CIP2A: variants seen among roughly 807,000 people sequenced by gnomAD.
The protein encoded by CIP2A is cellular inhibitor of PP2A.
Under a neutral mutation model 110.9 loss-of-function variants are expected in CIP2A, and 103 were observed. That is an observed-to-expected ratio of 0.93 (90% CI 0.79 to 1.09). The LOEUF (loss-of-function observed/expected upper bound fraction) is 1.09. CIP2A is among the 50% of genes least tolerant of loss of function. The pLI, the probability that CIP2A is intolerant of heterozygous loss-of-function variation, is 0.00. For synonymous variants in CIP2A, 381 were observed against 361.6 expected (o/e 1.05, Z -0.61); for missense variants, 1,088 against 1,038.4 (o/e 1.05, Z -0.66).
chr3:108,579,587 T>C lies in CIP2A; in HGVS notation c.651A>G (p.Leu217=). 6.3e-7 allele frequency: 1 copy of C among 1,594,598 alleles called. No individual in the cohort carries two copies. Residue 217 remains leucine (L), a synonymous_variant, in exon 6 of 21, where the codon TTA becomes TTG. Transcript: ENST00000295746. ...TTACCTTTTCCCCCACCTCTTCATTTAATGTCAAACTGGATAATATTGAAA... is the reference window on the plus strand; with the variant it reads ...TTACCTTTTCCCCCACCTCTTCATTCAATGTCAAACTGGATAATATTGAAA... ...FALSILSSLT[L]NEEVGEKLFH... is the part of the protein sequence containing the mutation.
At position 108,557,218 on chromosome 3, in the gene CIP2A, C is replaced by T. The variant is rs1224630368; in HGVS notation, c.2210G>A (p.Arg737Lys). 3 of 1,571,794 alleles carry T rather than the reference C, an allele frequency of 1.9e-6. No homozygotes were observed. The highest frequency in any genetic ancestry group is 2.3e-5 in the East Asian group (1 of 44,280). Residue 737 changes from arginine to lysine, a missense_variant and splice_region_variant, in exon 17 of 21, where the codon AGA (arginine) becomes AAA (lysine). Transcript: ENST00000295746. Reference protein sequence around the residue: ...LTKSYMELLQRNESTEKKNKD... With the variant: ...LTKSYMELLQKNESTEKKNKD... ...ACACAGAAGATTTTACTTTATTTAC[C>T]TCTGAAGAAGTTCCATGTAGGATTT...
At chr3:108,582,334 A>C (rs1257668521) in intron 3 of CIP2A, 132 bp from the exon 4 acceptor site, 6 of 431,178 alleles carry the variant, frequency 1.4e-5, no homozygotes, top group Non-Finnish European at 2.5e-5. Flanking sequence ...AACACATGTA[A>C]AGTAATGTAA....
intron 1 of CIP2A, among the ~76,000 whole-genome samples, chr3:108,586,176 C>G (rs1183670458): frequency 6.6e-6 from 1 of 152,188 alleles, no homozygotes; most frequent in Non-Finnish European, 1.5e-5. Flanking sequence ...CCTTTATTCT[C>G]TCACCCACAT....
chr3:108,560,163 G>T, intron 14 of CIP2A, 135 bp from the exon 15 acceptor site: 1 of 594,398 alleles, frequency 1.7e-6, no homozygotes, highest in Non-Finnish European at 3.0e-6. Flanking sequence ...GCTACATCAG[G>T]TAAGTCACAA....
At chr3:108,577,679 G>A (rs958638730) in intron 7 of CIP2A, among the ~76,000 whole-genome samples, 4 of 151,986 alleles carry the variant, frequency 2.6e-5, no homozygotes, top group Non-Finnish European at 2.9e-5. Flanking sequence ...CGGGTGGATC[G>A]CTTGAGGTCA....
intron 1 of CIP2A, among the ~76,000 whole-genome samples, chr3:108,587,820 T>C (rs1385776559): frequency 6.6e-6 from 1 of 152,196 alleles, no homozygotes; most frequent in Non-Finnish European, 1.5e-5. Context: ...TCTCACTCTG[T>C]CACCCATGTT....
At position 108,552,316 on chromosome 3, in the gene CIP2A, C is replaced by T. The variant is rs555061130; in HGVS notation, c.2465G>A (p.Arg822Lys). ...ATCAATGGTTTCTTCCTTATCTTCC[C>T]TTTCCTTTTGTAAGGTTTTAATCTT... is the stretch of plus-strand genomic sequence containing the variant. ...EEKIKTLQKE[R>K]EDKEETIDIL... Residue 822 changes from arginine to lysine, a missense_variant, in exon 20 of 21, where the codon AGG (arginine) becomes AAG (lysine). Arg to Lys is a conservative substitution (Grantham distance 26). Transcript: ENST00000295746. 9 of 1,559,038 alleles carry T rather than the reference C, an allele frequency of 5.8e-6. No homozygotes were observed. In the East Asian group the frequency reaches 2.1e-4, roughly 36 times the overall value.
At position 108,582,980 on chromosome 3, in the gene CIP2A, C is replaced by G; in HGVS notation, c.354G>C (p.Leu118Phe). ...TACACTGTGTGGGTCTGTATACCTG[C>G]AAAAACACCGAATCAGTGTGGCTGC... ...CRSSHTDSVF[L>F]QCIQLLQKLT... Residue 118 changes from leucine (L) to phenylalanine (F), a missense_variant, in exon 3 of 21, where the codon TTG (leucine) becomes TTC (phenylalanine). Coordinates refer to ENST00000295746, the MANE Select transcript of CIP2A (RefSeq NM_020890.3). 3.7e-6 allele frequency: 6 copies of G among 1,604,058 alleles called. No homozygotes were observed. Among genetic ancestry groups the G allele is most frequent in the Non-Finnish European group, 5.1e-6 (6 of 1,172,946 alleles).
Position 108,553,669 on chromosome 3 carries a change from C to G in CIP2A, c.2386G>C (p.Asp796His). ...QRKEVQNQLVDREHKLANLHQ... is the reference protein window; with the variant it reads ...QRKEVQNQLVHREHKLANLHQ... ...TTACTTGCTAGCTTATGTTCTCTGT[C>G]TACTAGCTGATTCTGTACTTCTTTT... Residue 796 changes from aspartate (D) to histidine (H), a missense_variant, in exon 19 of 21, where the codon GAC (aspartate) becomes CAC (histidine). Asp to His is a moderately conservative substitution (Grantham distance 81). Transcript: ENST00000295746. 6.5e-7 allele frequency: 1 copy of G among 1,534,346 alleles called. No individual in the cohort carries two copies. Among genetic ancestry groups the G allele is most frequent in the Non-Finnish European group, 9.0e-7 (1 of 1,109,554 alleles).
chr3:108,555,943 C>T (rs1449586982), intron 17 of CIP2A, among the ~76,000 whole-genome samples: 1 of 152,140 alleles, frequency 6.6e-6, no homozygotes, highest in Admixed American at 6.6e-5. Flanking sequence ...TTACTTGGCA[C>T]CCTGCAGTAA....
At chr3:108,568,686 T>C (rs999218330) in intron 9 of CIP2A, among the ~76,000 whole-genome samples, 3 of 152,026 alleles carry the variant, frequency 2.0e-5, no homozygotes, top group Non-Finnish European at 4.4e-5. Flanking sequence ...CCACAAATAA[T>C]TTCCCTCAAG....
At chr3:108,578,077 A>G (rs777229109) in intron 7 of CIP2A, among the ~76,000 whole-genome samples, 17 of 152,202 alleles carry the variant, frequency 1.1e-4, no homozygotes, top group Non-Finnish European at 2.4e-4. Flanking sequence ...TCAATGGCAT[A>G]CCAGAAAAAC....
Position 108,585,120 on chromosome 3 carries a change from G to T in CIP2A, c.195C>A (p.Asp65Glu), listed in dbSNP as rs1418223094. 2 of 1,613,406 alleles carry T rather than the reference G, an allele frequency of 1.2e-6. No homozygotes were observed. Among genetic ancestry groups the T allele is most frequent in the African/African-American group, 2.7e-5 (2 of 74,892 alleles). The part of the protein sequence containing the change: ...CLSCLVELLE[D>E]PNISASLILS... Reference sequence around the variant, plus strand: ...AGATCAGTGAAGCACTTATGTTGGGGTCTTCAAGTAGCTCTACAAGGCAAC... The same window carrying T: ...AGATCAGTGAAGCACTTATGTTGGGTTCTTCAAGTAGCTCTACAAGGCAAC... Residue 65 changes from aspartate (D) to glutamate (E), a missense_variant, in exon 2 of 21, where the codon GAC (aspartate) becomes GAA (glutamate). Physicochemically the swap from Asp to Glu is conservative, Grantham distance 45. Coordinates refer to ENST00000295746, the MANE Select transcript of CIP2A (RefSeq NM_020890.3).
In CIP2A at chr3:108,565,382, C is replaced by T. The variant is rs1292562926; in HGVS notation, c.1488G>A (p.Met496Ile). Residue 496 changes from methionine (M) to isoleucine (I), a missense_variant, in exon 12 of 21, where the codon ATG becomes ATA. By Grantham distance (10) the Met-to-Ile change is conservative. Coordinates refer to ENST00000295746, the MANE Select transcript of CIP2A (RefSeq NM_020890.3). ...INKLKPLVPGMEVSFYKILQD... is the reference protein window; with the variant it reads ...INKLKPLVPGIEVSFYKILQD... ...GAAGTATTTTGTAGAAGCTTACTTCCATACCAGGAACCAATGGTTTAAGTT... is the reference window on the plus strand; with the variant it reads ...GAAGTATTTTGTAGAAGCTTACTTCTATACCAGGAACCAATGGTTTAAGTT... The T allele has an allele frequency of 1.3e-6, 2 of 1,594,030 alleles. No individual in the cohort carries two copies. The highest frequency in any genetic ancestry group is 1.7e-5 in the Admixed American group (1 of 58,144).
At chr3:108,579,185 A>C (rs1166697129) in intron 7 of CIP2A, 96 bp downstream of exon 7, 10 of 948,164 alleles carry the variant, frequency 1.1e-5, no homozygotes, top group South Asian at 3.0e-5. Flanking sequence ...AGTAGAATCC[A>C]AGTTTATTAT....
At chr3:108,587,077 A>G (rs1939067083) in intron 1 of CIP2A, among the ~76,000 whole-genome samples, 1 of 152,192 alleles carries the variant, frequency 6.6e-6, no homozygotes, top group African/African-American at 2.4e-5. Context: ...TAAATTTCAC[A>G]TATTGCTAGT....
At chr3:108,573,920 G>A (rs1938482673) in intron 8 of CIP2A, among the ~76,000 whole-genome samples, 1 of 152,016 alleles carries the variant, frequency 6.6e-6, no homozygotes, top group South Asian at 2.1e-4. Context: ...TCACTTGTAG[G>A]AAGATTACAG....
In CIP2A at chr3:108,557,211, T is replaced by C. The variant is rs539471415; in HGVS notation, c.2210+7A>G. On this transcript the variant is annotated splice_region_variant and intron_variant, in intron 17 of 20. Coordinates refer to ENST00000295746, the MANE Select transcript of CIP2A (RefSeq NM_020890.3). ...TAACCTTACACAGAAGATTTTACTT[T>C]ATTTACCTCTGAAGAAGTTCCATGT... 1.2e-5 allele frequency: 19 copies of C among 1,545,142 alleles called. No individual in the cohort carries two copies. In the South Asian group the frequency reaches 1.9e-4, roughly 16 times the overall value.
chr3:108,589,397 T>C lies in CIP2A; in HGVS notation c.-22A>G, dbSNP rs1336578526. On this transcript the variant is annotated 5_prime_UTR_variant, in exon 1 of 21. Coordinates refer to ENST00000295746, the MANE Select transcript of CIP2A (RefSeq NM_020890.3). ...CCATTGCACCGGCCGCGGCCCGGCT[T>C]AGGGACCACCACCGCCCAGCGTGCG... The C allele has an allele frequency of 3.8e-6, 6 of 1,571,830 alleles. No individual in the cohort carries two copies. The East Asian group carries it at 1.4e-4, about 36-fold the overall frequency.
Sources: allele counts gnomAD v4.1 joint callset (sites outside exome capture counted in the v4.1 genomes callset), GRCh38; gene constraint gnomAD v4.1.1; transcripts MANE v1.5; gene names NCBI Gene and HGNC (gene_info 2026-07-23, HGNC 2026-07-21).